Variants in FAM162B observed in about 807,000 individuals in gnomAD.
The protein encoded by FAM162B is family with sequence similarity 162 member B.
A neutral mutation model predicts 20.0 loss-of-function variants in FAM162B; 16 were observed. The ratio of observed to expected loss-of-function variants is 0.80; its 90% CI spans 0.54 to 1.21. FAM162B has a LOEUF of 1.21. Among genes scored for constraint, FAM162B ranks in the 50% most tolerant of loss-of-function variants. FAM162B has a pLI of 0.00. For missense variants in FAM162B, 260 were observed against 227.5 expected (o/e 1.14, Z -0.92); for synonymous variants, 83 against 89.7 (o/e 0.93, Z 0.42).
chr6:116,765,257 T>C lies in FAM162B; in HGVS notation c.173-2A>G. On this transcript the variant is annotated splice_acceptor_variant, in intron 1 of 3. Coordinates refer to ENST00000368557, the MANE Select transcript of FAM162B (RefSeq NM_001085480.3). LOFTEE classifies it high-confidence loss of function. The stretch of plus-strand genomic sequence containing the variant: ...GCGTGGGGACTCGGTGAATCTCCCC[T>C]GCAGCGAAAGCAACCCAGATGGACG... 6.2e-7 allele frequency: 1 copy of C among 1,613,236 alleles called. No individual in the cohort carries two copies. Among genetic ancestry groups the C allele is most frequent in the Non-Finnish European group, 8.5e-7 (1 of 1,179,648 alleles).
At chr6:116,758,298 T>A (rs1780076411) in intron 3 of FAM162B, among the ~76,000 whole-genome samples, 1 of 152,214 alleles carries the variant, frequency 6.6e-6, no homozygotes, top group Non-Finnish European at 1.5e-5. Context: ...TGTGGAGGTG[T>A]AAGGTCTGAA....
At chr6:116,762,300 C>T (rs888919366) in intron 2 of FAM162B, among the ~76,000 whole-genome samples, 5 of 152,108 alleles carry the variant, frequency 3.3e-5, no homozygotes, top group African/African-American at 9.7e-5. Context: ...TTAATGTTAG[C>T]CATTATGAAA....
chr6:116,756,346 GA>G (rs1780050675), intron 3 of FAM162B, among the ~76,000 whole-genome samples: 1 of 152,166 alleles, frequency 6.6e-6, no homozygotes, highest in South Asian at 2.1e-4. Context: ...AACAGAACTG[GA>G]ATTCATAGTG....
intron 3 of FAM162B, among the ~76,000 whole-genome samples, chr6:116,755,436 G>A (rs1780041803): frequency 6.6e-6 from 1 of 152,152 alleles, no homozygotes; most frequent in Admixed American, 6.5e-5. Context: ...AAGACAAGTT[G>A]GAAGCTAGCA....
Position 116,752,339 on chromosome 6 carries a change from A to G in FAM162B, c.*258T>C, listed in dbSNP as rs78445627. On this transcript the variant is annotated 3_prime_UTR_variant, in exon 4 of 4. Transcript: ENST00000368557. Reference sequence around the variant, plus strand: ...CTGTGAAGTGTTGCCAATATTCTACATCTTCACTTTGGCAGTGGTTACACA... The same window carrying G: ...CTGTGAAGTGTTGCCAATATTCTACGTCTTCACTTTGGCAGTGGTTACACA... The G allele has an allele frequency of 3.2e-3, 548 of 170,114 alleles. 3 individuals carry two copies. The highest frequency in any genetic ancestry group is 0.012 in the African/African-American group (515 of 42,092). 10.5% of individuals were successfully genotyped at this position (170,114 alleles called of 1,614,324 possible). A position where few individuals can be genotyped will look rare whatever the true frequency, so the allele number is the denominator to read the frequency against.
intron 2 of FAM162B, among the ~76,000 whole-genome samples, chr6:116,762,535 C>A (rs1283303302): frequency 6.6e-6 from 1 of 151,682 alleles, no homozygotes; most frequent in Non-Finnish European, 1.5e-5. Context: ...TTTTCACTCG[C>A]CTCCCAATCT....
At chr6:116,763,655 G>C (rs1186564702) in intron 2 of FAM162B, among the ~76,000 whole-genome samples, 1 of 151,936 alleles carries the variant, frequency 6.6e-6, no homozygotes, top group Non-Finnish European at 1.5e-5. Flanking sequence ...TGCAATACTG[G>C]GCATAGGTTT....
intron 3 of FAM162B, among the ~76,000 whole-genome samples, chr6:116,757,028 T>C (rs1004020024): frequency 2.3e-4 from 35 of 152,202 alleles, no homozygotes; most frequent in Admixed American, 5.9e-4. Context: ...TTTTGTAAGC[T>C]TAAATAAAGT....
chr6:116,758,925 GTTGTT>G (rs998526426), intron 3 of FAM162B, among the ~76,000 whole-genome samples: 2 of 151,972 alleles, frequency 1.3e-5, no homozygotes, highest in Non-Finnish European at 2.9e-5. Flanking sequence ...AATTATTGTT[GTTGTT>G]TTGTTTTAAT....
At chr6:116,754,075 T>G (rs1338578200) in intron 3 of FAM162B, among the ~76,000 whole-genome samples, 1 of 152,230 alleles carries the variant, frequency 6.6e-6, no homozygotes, top group Non-Finnish European at 1.5e-5. Flanking sequence ...CCTATTCCAG[T>G]GTTTTTCATA....
intron 2 of FAM162B, among the ~76,000 whole-genome samples, chr6:116,763,139 G>A (rs1351330289): frequency 6.6e-6 from 1 of 152,114 alleles, no homozygotes; most frequent in East Asian, 1.9e-4. Flanking sequence ...TAAGATGTTA[G>A]TTGCAAACAG....
chr6:116,764,354 C>G (rs1219989906), intron 2 of FAM162B, among the ~76,000 whole-genome samples: 1 of 151,984 alleles, frequency 6.6e-6, no homozygotes, highest in African/African-American at 2.4e-5. Context: ...TTTTAGTTTC[C>G]GTCCCTCTCT....
At position 116,765,599 on chromosome 6, in the gene FAM162B, C is replaced by T. The variant is rs1378762355; in HGVS notation, c.-23G>A. ...CATGCTGCCCGCTTGTCCCGCGCCG[C>T]ACCCGCACCTCCGGACCCAGCCACA... On this transcript the variant is annotated 5_prime_UTR_variant, in exon 1 of 4. Transcript: ENST00000368557. 1 of 1,308,760 alleles carries T rather than the reference C, an allele frequency of 7.6e-7. No individual in the cohort carries two copies. Among genetic ancestry groups the T allele is most frequent in the East Asian group, 3.1e-5 (1 of 32,158 alleles). 81.1% of individuals were successfully genotyped at this position (1,308,760 alleles called of 1,614,324 possible). A position where few individuals can be genotyped will look rare whatever the true frequency, so the allele number is the denominator to read the frequency against.
rs748363242 is a variant in FAM162B at position 116,762,087 on chromosome 6, T to C, written c.282-2A>G. Reference sequence around the variant, plus strand: ...CTTGCGGTGTCTATCATTTCTGGCCTAAACAAAGATGTGTATTTTGTTAAA... The same window carrying C: ...CTTGCGGTGTCTATCATTTCTGGCCCAAACAAAGATGTGTATTTTGTTAAA... On this transcript the variant is annotated splice_acceptor_variant, in intron 2 of 3. Transcript: ENST00000368557. LOFTEE classifies it high-confidence loss of function. 1 of 1,557,202 alleles carries C rather than the reference T, an allele frequency of 6.4e-7. No individual in the cohort carries two copies.
rs747289099 is a variant in FAM162B at position 116,752,708 on chromosome 6, A to G, written c.391-13T>C. 2.5e-5 allele frequency: 24 copies of G among 957,454 alleles called. No homozygotes were observed. The highest frequency in any genetic ancestry group is 5.6e-5 in the African/African-American group (2 of 35,680). The allele number at this position is 957,454 out of a possible 1,614,324, so 59.3% of individuals were successfully genotyped here. ...GTCGTTCTACAGCCTGTGGGGGGGA[A>G]GAAATATATATATATATATATATAT... On this transcript the variant is annotated splice_polypyrimidine_tract_variant and intron_variant, in intron 3 of 3. Coordinates refer to ENST00000368557, the MANE Select transcript of FAM162B (RefSeq NM_001085480.3).
intron 2 of FAM162B, 72 bp from the exon 3 acceptor site, chr6:116,762,157 T>C (rs1446114578): frequency 1.5e-6 from 2 of 1,319,104 alleles, no homozygotes; most frequent in Non-Finnish European, 2.0e-6. Flanking sequence ...ATAGATAATT[T>C]GCCATGTAAA....
chr6:116,758,701 T>C (rs931327015), intron 3 of FAM162B, among the ~76,000 whole-genome samples: 2 of 152,184 alleles, frequency 1.3e-5, no homozygotes, highest in African/African-American at 4.8e-5. Context: ...GGCTTCACAT[T>C]TAATGTGAAA....
intron 3 of FAM162B, among the ~76,000 whole-genome samples, chr6:116,754,056 T>C (rs9489034): frequency 0.35 from 52,657 of 152,102 alleles, 9,781 homozygotes; most frequent in African/African-American, 0.48. Flanking sequence ...GTGAAAAATG[T>C]CACATTGGCC....
chr6:116,764,104 A>T (rs1771857511), intron 2 of FAM162B, among the ~76,000 whole-genome samples: 1 of 152,028 alleles, frequency 6.6e-6, no homozygotes, highest in Admixed American at 6.6e-5. Context: ...ATGTTCTCCC[A>T]CCCCACCCCC....
Sources: gnomAD v4.1 joint callset for allele counts (sites outside exome capture counted in the v4.1 genomes callset) on GRCh38, gnomAD v4.1.1 for gene constraint, MANE v1.5 for transcripts, NCBI Gene and HGNC (gene_info 2026-07-23, HGNC 2026-07-21) for gene names.